The following CNBD1 variants were observed in gnomAD, a reference collection of about 807,000 sequenced individuals.
CNBD1 encodes cyclic nucleotide binding domain containing 1, also known as cyclic nucleotide-binding domain-containing protein 1.
In CNBD1, 71 loss-of-function variants were observed where a neutral mutation model predicts 54.4. That is an observed-to-expected ratio of 1.30 (90% CI 1.08 to 1.59). CNBD1 has a LOEUF of 1.59. Among genes scored for constraint, CNBD1 ranks in the 40% most tolerant of loss-of-function variants. The probability of loss-of-function intolerance (pLI) is 0.00; values close to 1 mark genes in which losing one functional copy is unlikely to be tolerated. For synonymous variants in CNBD1, 182 were observed against 170.7 expected (o/e 1.07, Z -0.51); for missense variants, 659 against 518.0 (o/e 1.27, Z -2.64).
chr8:87,070,073 A>G (rs964855714), intron 4 of CNBD1, among the ~76,000 whole-genome samples: 4 of 152,084 alleles, frequency 2.6e-5, no homozygotes, highest in Non-Finnish European at 5.9e-5. Context: ...GGATACTCAA[A>G]GGTTTAATAA....
At chr8:87,364,512 T>G (rs559264153) in intron 10 of CNBD1, among the ~76,000 whole-genome samples, 52 of 151,052 alleles carry the variant, frequency 3.4e-4, no homozygotes, top group Non-Finnish European at 6.3e-4. Context: ...TATTTTATGT[T>G]CAGAAGTACA....
At chr8:87,142,318 T>C (rs1410336367) in intron 4 of CNBD1, among the ~76,000 whole-genome samples, 2 of 152,172 alleles carry the variant, frequency 1.3e-5, no homozygotes, top group African/African-American at 2.4e-5. Context: ...CACAATTTTA[T>C]GTATTTTTCC....
intron 8 of CNBD1, among the ~76,000 whole-genome samples, chr8:87,336,092 T>C (rs1328709390): frequency 1.3e-5 from 2 of 152,202 alleles, no homozygotes; most frequent in Non-Finnish European, 2.9e-5. Context: ...CTTCCCTTTG[T>C]AGGTGACCTG....
At chr8:87,198,711 C>T (rs1408616972) in intron 4 of CNBD1, among the ~76,000 whole-genome samples, 1 of 152,110 alleles carries the variant, frequency 6.6e-6, no homozygotes, top group African/African-American at 2.4e-5. Context: ...TATTAGATGA[C>T]AAGTGAGATA....
chr8:87,382,706 C>A lies in CNBD1; in HGVS notation c.*79C>A. 9.2e-7 allele frequency: 1 copy of A among 1,087,584 alleles called. No homozygotes were observed. Among genetic ancestry groups the A allele is most frequent in the South Asian group, 1.5e-5 (1 of 66,370 alleles). 67.4% of individuals were successfully genotyped at this position (1,087,584 alleles called of 1,614,324 possible). The stretch of plus-strand genomic sequence containing the variant: ...GAATAATTGCATTCTGGAATACTAT[C>A]AAACTACCAGCAATGAATTTGGTCT... On this transcript the variant is annotated 3_prime_UTR_variant, in exon 11 of 11. Transcript: ENST00000518476.
intron 4 of CNBD1, among the ~76,000 whole-genome samples, chr8:86,978,687 C>A (rs750765110): frequency 4.6e-5 from 7 of 151,840 alleles, no homozygotes; most frequent in Non-Finnish European, 8.8e-5. Flanking sequence ...GGATAACAGG[C>A]ATGCTCCAAC....
intron 4 of CNBD1, among the ~76,000 whole-genome samples, chr8:86,969,821 CATAT>C (rs1221967312): frequency 8.9e-5 from 12 of 135,200 alleles, no homozygotes; most frequent in Middle Eastern, 4.0e-3. Context: ...CACACACACA[CATAT>C]ATATAGTGTG....
intron 6 of CNBD1, among the ~76,000 whole-genome samples, chr8:87,240,276 T>G (rs1807457997): frequency 6.6e-6 from 1 of 152,170 alleles, no homozygotes; most frequent in Admixed American, 6.5e-5. Context: ...TTAAAAGAAC[T>G]TTCTAGTTTG....
chr8:87,226,735 T>G (rs955156385), intron 5 of CNBD1, among the ~76,000 whole-genome samples: 1 of 151,710 alleles, frequency 6.6e-6, no homozygotes, highest in Non-Finnish European at 1.5e-5. Context: ...GGGTGGAGAG[T>G]TCTGTAGATG....
intron 10 of CNBD1, among the ~76,000 whole-genome samples, chr8:87,371,963 A>G (rs1436377069): frequency 6.6e-6 from 1 of 151,934 alleles, no homozygotes; most frequent in Non-Finnish European, 1.5e-5. Context: ...CTCCTATTCA[A>G]CATAGTGTTG....
At chr8:86,940,257 C>T (rs979551430) in intron 4 of CNBD1, among the ~76,000 whole-genome samples, 1 of 151,194 alleles carries the variant, frequency 6.6e-6, no homozygotes, top group African/African-American at 2.4e-5. Flanking sequence ...ACCTCCGCCT[C>T]CTGGGTTCAA....
At chr8:87,346,695 A>C (rs1014575637) in intron 8 of CNBD1, among the ~76,000 whole-genome samples, 3 of 152,160 alleles carry the variant, frequency 2.0e-5, no homozygotes, top group African/African-American at 7.2e-5. Context: ...CTAATAGAGC[A>C]TGTATTTCAT....
intron 8 of CNBD1, among the ~76,000 whole-genome samples, chr8:87,337,667 A>T (rs1033039014): frequency 2.0e-5 from 3 of 152,198 alleles, no homozygotes; most frequent in African/African-American, 7.2e-5. Context: ...ACAGTTTTCC[A>T]GGCTGGGCAG....
At chr8:86,904,866 TATC>T (rs1211822036) in intron 2 of CNBD1, among the ~76,000 whole-genome samples, 2 of 152,208 alleles carry the variant, frequency 1.3e-5, no homozygotes, top group African/African-American at 4.8e-5. Flanking sequence ...ACATTGACAT[TATC>T]ATACATTATC....
chr8:86,995,515 C>T (rs1033103858), intron 4 of CNBD1, among the ~76,000 whole-genome samples: 2 of 152,056 alleles, frequency 1.3e-5, no homozygotes, highest in African/African-American at 4.8e-5. Flanking sequence ...GGATAAAAAT[C>T]ACAGAGTTGG....
At chr8:87,151,550 T>C (rs773508314) in intron 4 of CNBD1, among the ~76,000 whole-genome samples, 39 of 152,180 alleles carry the variant, frequency 2.6e-4, no homozygotes, top group Non-Finnish European at 4.3e-4. Context: ...TATAGTCCAA[T>C]GTATGGACCC....
intron 6 of CNBD1, among the ~76,000 whole-genome samples, chr8:87,274,418 C>T (rs1808433563): frequency 6.9e-6 from 1 of 145,692 alleles, no homozygotes; most frequent in South Asian, 2.2e-4. Flanking sequence ...TTCTCCACAT[C>T]CTCTCCAGCA....
intron 8 of CNBD1, among the ~76,000 whole-genome samples, chr8:87,333,205 T>C (rs575008222): frequency 6.6e-6 from 1 of 152,176 alleles, no homozygotes; most frequent in African/African-American, 2.4e-5. Context: ...ATGCTTGTCA[T>C]TTTTGCACAT....
intron 4 of CNBD1, among the ~76,000 whole-genome samples, chr8:87,169,212 T>C (rs1245092527): frequency 6.6e-6 from 1 of 152,134 alleles, no homozygotes; most frequent in African/African-American, 2.4e-5. Context: ...ATTTTCCATT[T>C]GTATGTCTTC....
Sources: gnomAD v4.1 joint callset for allele counts (sites outside exome capture counted in the v4.1 genomes callset) on GRCh38, gnomAD v4.1.1 for gene constraint, MANE v1.5 for transcripts, NCBI Gene and HGNC (gene_info 2026-07-23, HGNC 2026-07-21) for gene names.